TJP1: variants seen among roughly 807,000 people sequenced by gnomAD.
TJP1 encodes the protein tight junction protein ZO-1.
Under a neutral mutation model 194.2 loss-of-function variants are expected in TJP1, and 43 were observed. That is an observed-to-expected ratio of 0.22 (90% CI 0.17 to 0.29). TJP1 has a LOEUF of 0.29. TJP1 is among the 10% of genes least tolerant of loss of function. The pLI is 1.00. For missense variants in TJP1, 1,971 were observed against 2,185.7 expected (o/e 0.90, Z 1.96); for synonymous variants, 801 against 779.0 (o/e 1.03, Z -0.47).
intron 2 of TJP1, among the ~76,000 whole-genome samples, chr15:29,869,587 C>T (rs967731168): frequency 6.6e-6 from 1 of 152,020 alleles, no homozygotes; most frequent in African/African-American, 2.4e-5. Flanking sequence ...TTCATCCTTC[C>T]TACTGTGGTC....
chr15:29,817,638 G>A (rs1052876021), intron 1 of TJP1, among the ~76,000 whole-genome samples: 3 of 152,118 alleles, frequency 2.0e-5, no homozygotes, highest in African/African-American at 7.2e-5. Flanking sequence ...TATACACCAT[G>A]GTATACTATG....
At chr15:29,918,153 T>TA (rs1240217126) in intron 2 of TJP1, among the ~76,000 whole-genome samples, 1 of 152,228 alleles carries the variant, frequency 6.6e-6, no homozygotes, top group African/African-American at 2.4e-5. Context: ...TAGCATGTGT[T>TA]AGAGTTTCCT....
chr15:29,822,063 G>T lies in TJP1; in HGVS notation c.-35C>A. ...CTCCAGCGCCGCGCGAGGCTCCTCG[G>T]ACCCGAAACTCCGCGGCGCTGGCCC... On this transcript the variant is annotated 5_prime_UTR_variant, in exon 1 of 28. Coordinates refer to ENST00000614355, the MANE Select transcript of TJP1 (RefSeq NM_001330239.4). 4 of 1,273,202 alleles carry T rather than the reference G, an allele frequency of 3.1e-6. No individual in the cohort carries two copies. The highest frequency in any genetic ancestry group is 2.8e-5 in the South Asian group (1 of 35,210). The allele number at this position is 1,273,202 out of a possible 1,614,324, so 78.9% of individuals were successfully genotyped here.
At chr15:29,867,814 G>T (rs1220031268) in intron 2 of TJP1, among the ~76,000 whole-genome samples, 1 of 152,122 alleles carries the variant, frequency 6.6e-6, no homozygotes, top group African/African-American at 2.4e-5. Context: ...CCAGCATTTT[G>T]AGAGGCCAAG....
intron 2 of TJP1, among the ~76,000 whole-genome samples, chr15:29,949,408 C>G (rs2055461794): frequency 7.1e-6 from 1 of 141,482 alleles, no homozygotes; most frequent in Non-Finnish European, 1.5e-5. Context: ...CCTCCACAAC[C>G]ACCACCTCTA....
chr15:29,960,213 C>T (rs926991519), intron 1 of TJP1, among the ~76,000 whole-genome samples: 1 of 152,032 alleles, frequency 6.6e-6, no homozygotes, highest in African/African-American at 2.4e-5. Context: ...TTTATATCTA[C>T]CAAATTTTAT....
chr15:29,857,370 C>T (rs2051898917), intron 2 of TJP1, among the ~76,000 whole-genome samples: 1 of 151,708 alleles, frequency 6.6e-6, no homozygotes, highest in Non-Finnish European at 1.5e-5. Context: ...CAGCTCGCTG[C>T]CAGCACACAT....
chr15:29,722,231 C>A (rs573721335), intron 18 of TJP1, among the ~76,000 whole-genome samples: 1 of 152,290 alleles, frequency 6.6e-6, no homozygotes, highest in Non-Finnish European at 1.5e-5. Flanking sequence ...GAGGCCTATG[C>A]GGCAGCCCCT....
At chr15:29,744,453 A>G (rs2044631852) in intron 8 of TJP1, among the ~76,000 whole-genome samples, 1 of 152,216 alleles carries the variant, frequency 6.6e-6, no homozygotes, top group Admixed American at 6.5e-5. Context: ...AACAAAATAA[A>G]ACTAAATGTT....
At chr15:29,849,389 T>C (rs567995654) in intron 2 of TJP1, among the ~76,000 whole-genome samples, 60 of 151,588 alleles carry the variant, frequency 4.0e-4, no homozygotes, top group African/African-American at 1.4e-3. Flanking sequence ...CACCCCCCAC[T>C]GTTTTAATGT....
intron 2 of TJP1, among the ~76,000 whole-genome samples, chr15:29,906,253 A>G (rs1306641615): frequency 6.6e-6 from 1 of 152,024 alleles, no homozygotes; most frequent in Non-Finnish European, 1.5e-5. Context: ...TGGGTGGATC[A>G]CTTGAGGTCA....
At chr15:29,856,020 C>T (rs2051836964) in intron 2 of TJP1, among the ~76,000 whole-genome samples, 1 of 152,226 alleles carries the variant, frequency 6.6e-6, no homozygotes, top group Admixed American at 6.5e-5. Context: ...CAAACATTCA[C>T]AGCAGCATTA....
At chr15:29,835,215 A>G (rs999685303) in intron 2 of TJP1, among the ~76,000 whole-genome samples, 1 of 152,242 alleles carries the variant, frequency 6.6e-6, no homozygotes, top group Admixed American at 6.5e-5. Flanking sequence ...TGCTTATTAT[A>G]AAACTATATA....
chr15:29,874,776 TA>T (rs2052641215), intron 2 of TJP1, among the ~76,000 whole-genome samples: 1 of 152,250 alleles, frequency 6.6e-6, no homozygotes. Flanking sequence ...GAATGGCTTT[TA>T]AACACCACAA....
At chr15:29,814,016 A>G (rs11633069) in intron 1 of TJP1, among the ~76,000 whole-genome samples, 11,892 of 152,308 alleles carry the variant, frequency 0.078, 493 homozygotes, top group South Asian at 0.1. Flanking sequence ...GCTGTTAAGC[A>G]TATAAGCCAA....
chr15:29,949,793 TCCA>T (rs1263900492), intron 2 of TJP1, among the ~76,000 whole-genome samples: 2 of 37,198 alleles, frequency 5.4e-5, no homozygotes, highest in Non-Finnish European at 1.0e-4. Flanking sequence ...CACCACCACC[TCCA>T]CCACAACCAT....
chr15:29,826,257 C>CT (rs931454318), upstream of TJP1, among the ~76,000 whole-genome samples: 2 of 152,124 alleles, frequency 1.3e-5, no homozygotes, highest in Non-Finnish European at 2.9e-5. Flanking sequence ...ACCCTTACCT[C>CT]TGACTGGGGC....
At chr15:29,760,401 A>T in intron 8 of TJP1, 1 of 610,400 alleles carries the variant, frequency 1.6e-6, no homozygotes, top group Admixed American at 2.6e-5. Context: ...TTTGAGAAAG[A>T]GTTCCGCTCT....
chr15:29,705,481 G>C, intron 26 of TJP1, 47 bp downstream of exon 26: 2 of 1,581,848 alleles, frequency 1.3e-6, no homozygotes, highest in Non-Finnish European at 1.7e-6. Flanking sequence ...TGCACACAGG[G>C]CAACTCTTAA....
Sources: allele counts gnomAD v4.1 joint callset (sites outside exome capture counted in the v4.1 genomes callset), GRCh38; gene constraint gnomAD v4.1.1; transcripts MANE v1.5; gene names NCBI Gene and HGNC (gene_info 2026-07-23, HGNC 2026-07-21).